Variants in VCAM1 observed in about 807,000 individuals in gnomAD.
VCAM1 encodes the protein vascular cell adhesion molecule 1.
In VCAM1, 41 loss-of-function variants were observed where a neutral mutation model predicts 63.8. That is an observed-to-expected ratio of 0.64 (90% CI 0.50 to 0.83). The LOEUF (loss-of-function observed/expected upper bound fraction) is 0.83. Ranked by LOEUF, VCAM1 falls within the 40% of genes least tolerant of loss-of-function variation. VCAM1 has a pLI of 0.00. For missense variants in VCAM1, 798 were observed against 875.5 expected, an observed-to-expected ratio of 0.91 and a Z score of 1.12; for synonymous variants, 338 against 320.7, an observed-to-expected ratio of 1.05 and a Z score of -0.58.
At chr1:100,727,676 T>C (rs532658443) in intron 4 of VCAM1, among the ~76,000 whole-genome samples, 2 of 152,196 alleles carry the variant, frequency 1.3e-5, no homozygotes, top group East Asian at 3.9e-4. Flanking sequence ...TGGCAATACA[T>C]GTGGCCACTG....
At position 100,731,226 on chromosome 1, in the gene VCAM1, G is replaced by A. The variant is rs748243917; in HGVS notation, c.1233G>A (p.Met411Ile). 19 of 1,608,902 alleles carry A rather than the reference G, an allele frequency of 1.2e-5. No individual in the cohort carries two copies. Among genetic ancestry groups the A allele is most frequent in the East Asian group, 4.5e-5 (2 of 44,838 alleles). ...YSFPRDPEIEMSGGLVNGSSV... is the reference protein window; with the variant it reads ...YSFPRDPEIEISGGLVNGSSV... ...TCCCTAGAGATCCAGAAATCGAGAT[G>A]AGTGGTGGCCTCGTGAATGGGAGCT... is the stretch of plus-strand genomic sequence containing the variant. Residue 411 changes from methionine to isoleucine, a missense_variant, in exon 6 of 9, where the codon ATG becomes ATA. Physicochemically the swap from Met to Ile is conservative, Grantham distance 10. Coordinates refer to ENST00000294728, the MANE Select transcript of VCAM1 (RefSeq NM_001078.4). This position sits in a 1 kb window ranked among gnomAD's most constrained non-coding sequence, Gnocchi z 4.2.
At chr1:100,729,852 T>C (rs1557905004) in intron 5 of VCAM1, among the ~76,000 whole-genome samples, 1 of 151,876 alleles carries the variant, frequency 6.6e-6, no homozygotes, top group Non-Finnish European at 1.5e-5. Context: ...AGATAAGAAG[T>C]TAGATTGGGG....
chr1:100,724,482 T>C, intron 3 of VCAM1, 142 bp from the exon 4 acceptor site: 1 of 922,464 alleles, frequency 1.1e-6, no homozygotes, highest in Non-Finnish European at 1.6e-6. Context: ...CTATTTTGAA[T>C]GATTCAGCAG....
intron 2 of VCAM1, among the ~76,000 whole-genome samples, chr1:100,721,359 A>C (rs571130316): frequency 5.3e-5 from 8 of 152,034 alleles, no homozygotes; most frequent in Admixed American, 4.6e-4. Context: ...GCTCAACTTC[A>C]AAGATATTTA....
At chr1:100,736,226 T>G (rs1404864178) in intron 8 of VCAM1, 1 of 152,218 alleles carries the variant, frequency 6.6e-6, no homozygotes, top group Non-Finnish European at 1.5e-5. Context: ...TACTTTTTAC[T>G]CATTATTTAA....
At position 100,719,744 on chromosome 1, in the gene VCAM1, G is replaced by A. The variant is rs1419567088; in HGVS notation, c.-117G>A. On this transcript the variant is annotated 5_prime_UTR_variant, in exon 1 of 9. Transcript: ENST00000294728. ...GCACAGACTTTCTATTTCACTCCGCGGTATCTGCATCGGGCCTCACTGGCT... is the reference window on the plus strand; with the variant it reads ...GCACAGACTTTCTATTTCACTCCGCAGTATCTGCATCGGGCCTCACTGGCT... 2.4e-5 allele frequency: 22 copies of A among 925,288 alleles called. No individual in the cohort carries two copies. Among genetic ancestry groups the A allele is most frequent in the Non-Finnish European group, 3.4e-5 (21 of 615,214 alleles). 57.3% of individuals were successfully genotyped at this position (925,288 alleles called of 1,614,324 possible). A position where few individuals can be genotyped will look rare whatever the true frequency, so the allele number is the denominator to read the frequency against.
chr1:100,728,806 T>A (rs1471013454), intron 4 of VCAM1, among the ~76,000 whole-genome samples: 3 of 151,578 alleles, frequency 2.0e-5, no homozygotes, highest in Non-Finnish European at 4.4e-5. Context: ...ACTCTTACAG[T>A]GATTTGATAA....
intron 2 of VCAM1, among the ~76,000 whole-genome samples, chr1:100,722,545 C>T (rs1659991002): frequency 6.6e-6 from 1 of 151,992 alleles, no homozygotes; most frequent in Admixed American, 6.6e-5. Flanking sequence ...AGTAGCAAAA[C>T]ACAATAATGG....
intron 3 of VCAM1, 25 bp from the exon 4 acceptor site, chr1:100,724,599 C>A: frequency 6.2e-7 from 1 of 1,604,922 alleles, no homozygotes. Flanking sequence ...TTAGCAATTG[C>A]TAATATTATT....
chr1:100,723,413 A>T, intron 3 of VCAM1, 73 bp downstream of exon 3: 1 of 1,450,962 alleles, frequency 6.9e-7, no homozygotes, highest in South Asian at 1.4e-5. Flanking sequence ...TAAACTTAGC[A>T]GAAAAGTAAA....
rs900346086 is a variant in VCAM1, at chr1:100,720,649, C to A, written c.238C>A (p.Leu80Met). The A allele has an allele frequency of 1.2e-6, 2 of 1,613,248 alleles. No homozygotes were observed. The highest frequency in any genetic ancestry group is 1.1e-5 in the South Asian group (1 of 91,056). ...KVTNEGTTST[L>M]TMNPVSFGNE... ...GACGAATGAGGGGACCACATCTACG[C>A]TGACAATGAATCCTGTTAGTTTTGG... Residue 80 changes from leucine to methionine, a missense_variant, in exon 2 of 9, where the codon CTG becomes ATG. Transcript: ENST00000294728.
chr1:100,727,136 GC>G (rs1395454006), intron 4 of VCAM1, among the ~76,000 whole-genome samples: 1 of 150,424 alleles, frequency 6.6e-6, no homozygotes, highest in Non-Finnish European at 1.5e-5. Flanking sequence ...GTAAATATTT[GC>G]TGAATTAATG....
At chr1:100,721,371 A>G (rs992973148) in intron 2 of VCAM1, among the ~76,000 whole-genome samples, 1 of 151,998 alleles carries the variant, frequency 6.6e-6, no homozygotes, top group Non-Finnish European at 1.5e-5. Flanking sequence ...AGATATTTAT[A>G]TAATGAACTA....
At chr1:100,729,480 AG>A in intron 5 of VCAM1, 98 bp downstream of exon 5, 1 of 1,411,810 alleles carries the variant, frequency 7.1e-7, no homozygotes, top group Non-Finnish European at 9.4e-7. Flanking sequence ...CCTTATGTTT[AG>A]AAAAGGAATT....
intron 8 of VCAM1, chr1:100,737,379 G>T (rs1354897438): frequency 6.6e-6 from 1 of 152,034 alleles, no homozygotes; most frequent in Non-Finnish European, 1.5e-5. Flanking sequence ...CTGTAATAAG[G>T]GTTTTGAAGG....
At chr1:100,737,715 C>G (rs1342967073) in intron 8 of VCAM1, 2 of 154,672 alleles carry the variant, frequency 1.3e-5, no homozygotes, top group African/African-American at 4.8e-5. Flanking sequence ...ACTGGTTAGT[C>G]ATTTCAATTC....
Position 100,738,128 on chromosome 1 carries a change from G to A in VCAM1, c.2065G>A (p.Glu689Lys). The A allele has an allele frequency of 6.2e-7, 1 of 1,612,198 alleles. No individual in the cohort carries two copies. The highest frequency in any genetic ancestry group is 1.1e-5 in the South Asian group (1 of 90,670). ...RSLTLDVQGR[E>K]NNKDYFSPEL... ...TCCATTTTGTTATTTTCCAGGAAGA[G>A]AAAACAACAAAGACTATTTTTCTCC... is the stretch of plus-strand genomic sequence containing the variant. The change falls in exon 9 of 9, where the codon GAA becomes AAA. Residue 689 changes from glutamate (E) to lysine (K), a missense_variant. By Grantham distance (56) the Glu-to-Lys change is moderately conservative (BLOSUM62 1). Transcript: ENST00000294728.
In VCAM1 at chr1:100,724,800, G is replaced by A; in HGVS notation, c.838G>A (p.Ala280Thr). The change falls in exon 4 of 9, where the codon GCT (alanine) becomes ACT (threonine). Residue 280 changes from alanine to threonine, a missense_variant. Ala to Thr is a moderately conservative substitution (Grantham distance 58). Transcript: ENST00000294728. The stretch of plus-strand genomic sequence containing the variant: ...TGGAAATGCAACTCTCACCTTAATT[G>A]CTATGAGGATGGAAGATTCTGGAAT... ...LSGNATLTLI[A>T]MRMEDSGIYV... 6.2e-7 allele frequency: 1 copy of A among 1,612,944 alleles called. No individual in the cohort carries two copies. The highest frequency in any genetic ancestry group is 8.5e-7 in the Non-Finnish European group (1 of 1,179,406).
At chr1:100,732,724 T>A in intron 7 of VCAM1, 40 bp downstream of exon 7, 5 of 1,503,116 alleles carry the variant, frequency 3.3e-6, no homozygotes, top group Non-Finnish European at 4.4e-6. Context: ...TTGCTAGTAA[T>A]GTTTTTGGTT....
Sources: allele counts gnomAD v4.1 joint callset (sites outside exome capture counted in the v4.1 genomes callset), GRCh38; gene constraint gnomAD v4.1.1; non-coding constraint Gnocchi (gnomAD v3.1); transcripts MANE v1.5; gene names NCBI Gene and HGNC (gene_info 2026-07-23, HGNC 2026-07-21).